Variants in PIK3C2G observed in about 807,000 individuals in gnomAD.
PIK3C2G encodes phosphatidylinositol 3-kinase C2 domain-containing subunit gamma.
Under a neutral mutation model 181.1 loss-of-function variants are expected in PIK3C2G, and 168 were observed. The ratio of observed to expected loss-of-function variants is 0.93; its 90% CI spans 0.82 to 1.05. The LOEUF (loss-of-function observed/expected upper bound fraction) is 1.05, where lower values mean the gene tolerates loss of function less well. Among genes scored for constraint, PIK3C2G ranks in the 50% least tolerant of loss-of-function variants. PIK3C2G has a pLI of 0.00. For missense variants in PIK3C2G, 1,869 were observed against 1,732.8 expected, an observed-to-expected ratio of 1.08 and a Z score of -1.40; for synonymous variants, 573 against 592.2, an observed-to-expected ratio of 0.97 and a Z score of 0.47.
intron 25 of PIK3C2G, among the ~76,000 whole-genome samples, chr12:18,540,108 C>T (rs915317436): frequency 6.6e-6 from 1 of 151,768 alleles, no homozygotes; most frequent in Non-Finnish European, 1.5e-5. Context: ...CTCTAGCAAG[C>T]TCTAGCTCAT....
In PIK3C2G at chr12:18,648,184, A is replaced by T. The variant is rs1338480927; in HGVS notation, c.*156A>T. 5 of 385,568 alleles carry T rather than the reference A, an allele frequency of 1.3e-5. No individual in the cohort carries two copies. Among genetic ancestry groups the T allele is most frequent in the African/African-American group, 8.3e-5 (4 of 47,926 alleles). The allele number at this position is 385,568 out of a possible 1,614,324, so 23.9% of individuals were successfully genotyped here. A position where few individuals can be genotyped will look rare whatever the true frequency, so the allele number is the denominator to read the frequency against. ...TCAGAATTAGTCTTTTGTGTTGTTT[A>T]TTTTCTACCTGTGCTTTCATTGTTT... On this transcript the variant is annotated 3_prime_UTR_variant, in exon 33 of 33. Coordinates refer to ENST00000538779, the MANE Select transcript of PIK3C2G (RefSeq NM_001288772.2).
intron 18 of PIK3C2G, among the ~76,000 whole-genome samples, chr12:18,460,623 C>CAT (rs144060852): frequency 0.082 from 11,171 of 135,872 alleles, 657 homozygotes; most frequent in African/African-American, 0.18. Flanking sequence ...ACATCATATT[C>CAT]ATATATATAT....
the PIK3C2G span, among the ~76,000 whole-genome samples, chr12:18,708,832 G>A: frequency 6.6e-6 from 1 of 151,918 alleles, no homozygotes; most frequent in Non-Finnish European, 1.5e-5. Context: ...TGCCTATTCA[G>A]GTTTTTTGTT....
At chr12:18,719,302 C>A in the PIK3C2G span, 3 of 483,954 alleles carry the variant, frequency 6.2e-6, no homozygotes, top group East Asian at 1.0e-4. Flanking sequence ...GTAAAAATTT[C>A]TATTCCCTAT....
chr12:18,339,220 C>G (rs530355111), intron 9 of PIK3C2G, among the ~76,000 whole-genome samples: 2 of 152,116 alleles, frequency 1.3e-5, no homozygotes, highest in South Asian at 4.1e-4. Context: ...ATTCATTTAT[C>G]TTATTATTAG....
At chr12:18,579,444 T>C (rs1946383928) in intron 29 of PIK3C2G, among the ~76,000 whole-genome samples, 2 of 152,140 alleles carry the variant, frequency 1.3e-5, no homozygotes, top group Admixed American at 6.6e-5. Context: ...TTGGTTAAGT[T>C]AGATGGGCAA....
intron 24 of PIK3C2G, among the ~76,000 whole-genome samples, chr12:18,517,586 T>A (rs894117669): frequency 6.6e-6 from 1 of 152,158 alleles, no homozygotes; most frequent in African/African-American, 2.4e-5. Context: ...TGATTTTGTA[T>A]CCTGAGACTT....
chr12:18,398,562 C>T lies in PIK3C2G; in HGVS notation c.2127-1097C>T, dbSNP rs1351502628. On this transcript the variant is annotated intron_variant, in intron 15 of 32. Transcript: ENST00000538779. ...CTCAGTGTCACTTTGGAGGAGAGTG[C>T]GCAAAAGCCATTGTCGTGTGAGGGA... Among the ~76,000 whole-genome samples, 8 of 152,064 alleles carry T rather than the reference C, an allele frequency of 5.3e-5. No homozygotes were observed. The South Asian group carries it at 6.2e-4, about 12-fold the overall frequency.
chr12:18,595,088 A>G (rs1026472010), intron 30 of PIK3C2G, among the ~76,000 whole-genome samples: 3 of 152,072 alleles, frequency 2.0e-5, no homozygotes, highest in Admixed American at 2.0e-4. Context: ...CTACATATTA[A>G]ATATAATCTA....
chr12:18,419,230 A>C (rs1221492240), intron 16 of PIK3C2G, among the ~76,000 whole-genome samples: 3 of 152,196 alleles, frequency 2.0e-5, no homozygotes, highest in Non-Finnish European at 4.4e-5. Context: ...CATTCACCAA[A>C]GAGCATTGTT....
the PIK3C2G span, among the ~76,000 whole-genome samples, chr12:18,688,884 T>C: frequency 7.2e-5 from 11 of 152,010 alleles, no homozygotes; most frequent in Admixed American, 1.3e-4. Context: ...TTATAAAAAT[T>C]GAGGCATAAT....
At chr12:18,342,330 A>T (rs1939218174) in intron 9 of PIK3C2G, among the ~76,000 whole-genome samples, 1 of 152,110 alleles carries the variant, frequency 6.6e-6, no homozygotes, top group Non-Finnish European at 1.5e-5. Flanking sequence ...AAAGTTGCAT[A>T]TAAATGTAAT....
intron 19 of PIK3C2G, among the ~76,000 whole-genome samples, chr12:18,489,062 C>G (rs1421765507): frequency 6.6e-6 from 1 of 152,134 alleles, no homozygotes; most frequent in Non-Finnish European, 1.5e-5. Context: ...GCCTTAAGAA[C>G]AGTAATACTT....
intron 14 of PIK3C2G, among the ~76,000 whole-genome samples, chr12:18,383,309 G>T (rs1942961423): frequency 1.3e-5 from 2 of 152,194 alleles, no homozygotes; most frequent in Admixed American, 1.3e-4. Flanking sequence ...TTCAAGGAAT[G>T]CAAAATCCAG....
intron 16 of PIK3C2G, among the ~76,000 whole-genome samples, chr12:18,415,874 T>C (rs1467756838): frequency 6.6e-6 from 1 of 152,184 alleles, no homozygotes; most frequent in Non-Finnish European, 1.5e-5. Flanking sequence ...CCTAACTCTC[T>C]TCAATTTCAT....
intron 5 of PIK3C2G, among the ~76,000 whole-genome samples, chr12:18,302,586 T>C (rs1469393248): frequency 1.3e-5 from 2 of 152,118 alleles, no homozygotes; most frequent in East Asian, 3.9e-4. Context: ...TGTGCACCAG[T>C]AGAAGCAGGC....
intron 6 of PIK3C2G, among the ~76,000 whole-genome samples, chr12:18,319,873 ACT>A (rs1412735691): frequency 6.6e-6 from 1 of 151,832 alleles, no homozygotes; most frequent in South Asian, 2.1e-4. Flanking sequence ...TGTCCCAGTG[ACT>A]CTATATGTAA....
intron 1 of PIK3C2G, among the ~76,000 whole-genome samples, chr12:18,251,520 T>C (rs1034591685): frequency 6.6e-6 from 1 of 152,026 alleles, no homozygotes; most frequent in Non-Finnish European, 1.5e-5. Context: ...GTGTAGCCTA[T>C]AGTATCACAA....
chr12:18,276,032 T>C (rs571909863), intron 1 of PIK3C2G, among the ~76,000 whole-genome samples: 19 of 152,318 alleles, frequency 1.2e-4, no homozygotes, highest in African/African-American at 4.3e-4. Context: ...AGGAAGGGGA[T>C]CTGCATATTT....
Sources: allele counts gnomAD v4.1 joint callset (sites outside exome capture counted in the v4.1 genomes callset), GRCh38; gene constraint gnomAD v4.1.1; transcripts MANE v1.5; gene names NCBI Gene and HGNC (gene_info 2026-07-23, HGNC 2026-07-21).